The following CPS1 variants were observed in gnomAD, a reference collection of about 807,000 sequenced individuals.
CPS1 encodes the protein carbamoyl-phosphate synthase 1.
Under a neutral mutation model 174.6 loss-of-function variants are expected in CPS1, and 109 were observed. That is an observed-to-expected ratio of 0.62 (90% confidence interval 0.53 to 0.73). The LOEUF is 0.73. CPS1 is among the 30% of genes least tolerant of loss of function. The pLI, the probability that CPS1 is intolerant of heterozygous loss-of-function variation, is 0.00. For synonymous variants in CPS1, 637 were observed against 632.0 expected (o/e 1.01, Z -0.12); for missense variants, 1,689 against 1,821.9 (o/e 0.93, Z 1.33).
intron 6 of CPS1, 43 bp from the exon 7 acceptor site, chr2:210,588,015 T>C: frequency 1.9e-6 from 3 of 1,577,330 alleles, no homozygotes; most frequent in Non-Finnish European, 2.6e-6. Context: ...CTGTTGCCCA[T>C]AGCTGGGACT....
At chr2:210,534,346 A>C (rs1696192628) in intron 1 of CPS1, among the ~76,000 whole-genome samples, 1 of 152,176 alleles carries the variant, frequency 6.6e-6, no homozygotes, top group Non-Finnish European at 1.5e-5. Flanking sequence ...GAACCACAGT[A>C]ATCACTTCAT....
chr2:210,633,422 T>C (rs1699932964), intron 21 of CPS1, among the ~76,000 whole-genome samples: 2 of 152,172 alleles, frequency 1.3e-5, no homozygotes, highest in African/African-American at 4.8e-5. Flanking sequence ...AAGTGTTCAG[T>C]TTTATTAGTA....
rs368785491 is a variant in CPS1 at position 210,612,271 on chromosome 2, C to G, written c.2546C>G (p.Thr849Arg). 3 of 1,611,984 alleles carry G rather than the reference C, an allele frequency of 1.9e-6. No individual in the cohort carries two copies. Among genetic ancestry groups the G allele is most frequent in the Non-Finnish European group, 2.5e-6 (3 of 1,178,660 alleles). The change falls in exon 20 of 38, where the codon ACG becomes AGG. Residue 849 changes from threonine (T) to arginine (R), a missense_variant. Physicochemically the swap from Thr to Arg is moderately conservative, Grantham distance 71. Coordinates refer to ENST00000233072, the MANE Select transcript of CPS1 (RefSeq NM_001875.5). ...AAAGAGTTGTCTGAACCAAGCAGCA[C>G]GCGTATCTATGCCATTGCCAAGGTA... Reference protein sequence around the residue: ...LRKELSEPSSTRIYAIAKAID... With the variant: ...LRKELSEPSSRRIYAIAKAID...
chr2:210,606,718 C>A lies in CPS1; in HGVS notation c.1982-13C>A. ...ATATGCCACCAAGTAATGAGTGCTT[C>A]TTGGATATATAGGTGACTCAGTTGT... is the stretch of plus-strand genomic sequence containing the variant. On this transcript the variant is annotated splice_polypyrimidine_tract_variant and intron_variant, in intron 17 of 37. Transcript: ENST00000233072. The A allele has an allele frequency of 1.2e-6, 2 of 1,611,530 alleles. No homozygotes were observed. Among genetic ancestry groups the A allele is most frequent in the Non-Finnish European group, 1.7e-6 (2 of 1,178,254 alleles).
At chr2:210,617,370 G>A (rs899530743) in intron 21 of CPS1, among the ~76,000 whole-genome samples, 8 of 151,906 alleles carry the variant, frequency 5.3e-5, no homozygotes, top group African/African-American at 1.9e-4. Flanking sequence ...CTGCAAACTA[G>A]GGATGTGTTT....
At position 210,482,414 on chromosome 2, in the gene CPS1, C is replaced by G. The variant is rs146116951; in HGVS notation, c.3+4648C>G. 3.4e-3 allele frequency among the ~76,000 whole-genome samples: 513 copies of G among 152,064 alleles called. 3 individuals are homozygous for G. The highest frequency in any genetic ancestry group is 0.011 in the African/African-American group (448 of 41,456). ...CACTCTCGGGTTCCAGCAATTCTCCCACCGCAGCCCCCTGAGTAGCTGGGA... is the reference window on the plus strand; with the variant it reads ...CACTCTCGGGTTCCAGCAATTCTCCGACCGCAGCCCCCTGAGTAGCTGGGA... On this transcript the variant is annotated intron_variant, in intron 1 of 38. Coordinates refer to the CPS1 transcript ENST00000430249.
chr2:210,500,031 G>T (rs1695100117), intron 1 of CPS1, among the ~76,000 whole-genome samples: 2 of 152,096 alleles, frequency 1.3e-5, no homozygotes, highest in African/African-American at 4.8e-5. Flanking sequence ...ATGGTGGAAG[G>T]CACATCTTCA....
At chr2:210,535,062 C>A (rs560044417) in intron 1 of CPS1, among the ~76,000 whole-genome samples, 1 of 152,210 alleles carries the variant, frequency 6.6e-6, no homozygotes, top group Non-Finnish European at 1.5e-5. Context: ...GGCTCTCTTT[C>A]GGCAACAGGC....
At chr2:210,647,581 C>G (rs1436132873) in intron 25 of CPS1, among the ~76,000 whole-genome samples, 2 of 152,198 alleles carry the variant, frequency 1.3e-5, no homozygotes, top group East Asian at 3.9e-4. Context: ...GAGTACATAG[C>G]AAACATTTAT....
upstream of CPS1, among the ~76,000 whole-genome samples, chr2:210,555,154 A>C (rs1696870223): frequency 6.6e-6 from 1 of 152,000 alleles, no homozygotes; most frequent in South Asian, 2.1e-4. Context: ...TATACCCTGC[A>C]TCTAGGCTTT....
chr2:210,590,069 T>C lies in CPS1; in HGVS notation c.712-37T>C, dbSNP rs555859547. ...AAAATTATACTTTGGCAAAGAAACA[T>C]GTTATTAAATTCATCATTCTTGTGT... is the stretch of plus-strand genomic sequence containing the variant. On this transcript the variant is annotated intron_variant, in intron 7 of 37. Transcript: ENST00000233072. 37 of 1,611,442 alleles carry C rather than the reference T, an allele frequency of 2.3e-5. No homozygotes were observed. In the South Asian group the frequency reaches 3.3e-4, roughly 14 times the overall value.
At chr2:210,667,498 G>C (rs1197676569) in intron 33 of CPS1, among the ~76,000 whole-genome samples, 1 of 152,090 alleles carries the variant, frequency 6.6e-6, no homozygotes, top group Admixed American at 6.6e-5. Flanking sequence ...AACCTAAATG[G>C]AACTTCTGTA....
Position 210,599,445 on chromosome 2 carries a change from A to T in CPS1, c.1433A>T (p.Gln478Leu), listed in dbSNP as rs1466413539. Residue 478 changes from glutamine to leucine, a missense_variant, in exon 14 of 38, where the codon CAA becomes CTA. Transcript: ENST00000233072. ...SVQTNEVGLK[Q>L]ADTVYFLPIT... ...CAGACCAATGAGGTGGGCTTAAAGCAAGCGGATACTGTCTACTTTCTTCCC... is the reference window on the plus strand; with the variant it reads ...CAGACCAATGAGGTGGGCTTAAAGCTAGCGGATACTGTCTACTTTCTTCCC... 1.2e-6 allele frequency: 2 copies of T among 1,612,626 alleles called. No homozygotes were observed. Among genetic ancestry groups the T allele is most frequent in the Non-Finnish European group, 1.7e-6 (2 of 1,179,080 alleles).
intron 21 of CPS1, among the ~76,000 whole-genome samples, chr2:210,626,696 A>T (rs1699709019): frequency 6.6e-6 from 1 of 152,192 alleles, no homozygotes; most frequent in Non-Finnish European, 1.5e-5. Flanking sequence ...GATCTTCAAA[A>T]ATTATTCACG....
intron 24 of CPS1, 117 bp downstream of exon 24, chr2:210,640,176 G>T: frequency 2.7e-6 from 2 of 728,316 alleles, no homozygotes; most frequent in East Asian, 5.4e-5. Context: ...TATATGTTTT[G>T]CAAATTAGGA....
chr2:210,484,284 C>T (rs1694655025), intron 1 of CPS1, among the ~76,000 whole-genome samples: 2 of 152,108 alleles, frequency 1.3e-5, no homozygotes, highest in Non-Finnish European at 1.5e-5. Context: ...ACAGCACTTT[C>T]ACATAAATGC....
At chr2:210,647,724 C>A in intron 25 of CPS1, 139 bp from the exon 26 acceptor site, 1 of 1,107,718 alleles carries the variant, frequency 9.0e-7, no homozygotes, top group Non-Finnish European at 1.3e-6. Context: ...CATCATTTAA[C>A]AGTATTCATT....
chr2:210,536,164 A>G (rs1362990792), intron 1 of CPS1, among the ~76,000 whole-genome samples: 1 of 152,154 alleles, frequency 6.6e-6, no homozygotes, highest in African/African-American at 2.4e-5. Flanking sequence ...ATGGAGATTA[A>G]GTTCCTGCAA....
chr2:210,635,423 G>T (rs2105892865), intron 21 of CPS1, among the ~76,000 whole-genome samples: 1 of 152,080 alleles, frequency 6.6e-6, no homozygotes, highest in Non-Finnish European at 1.5e-5. Context: ...TTATCTTCTG[G>T]GGCAGCACTG....
Sources: gnomAD v4.1 joint callset for allele counts (sites outside exome capture counted in the v4.1 genomes callset) on GRCh38, gnomAD v4.1.1 for gene constraint, MANE v1.5 for transcripts, NCBI Gene and HGNC (gene_info 2026-07-23, HGNC 2026-07-21) for gene names.